The following TCF12 variants were observed in gnomAD, a reference collection of about 807,000 sequenced individuals.
The protein encoded by TCF12 is DNA-binding protein HTF4.
TCF12 carries 45 observed loss-of-function variants against 86.0 expected under a neutral mutation model. The observed-to-expected ratio is 0.52, with a 90% CI of 0.41 to 0.67. The LOEUF is 0.67. Ranked by LOEUF, TCF12 falls within the 30% of genes least tolerant of loss-of-function variation. The pLI is 0.00. For synonymous variants in TCF12, 330 were observed against 299.6 expected (o/e 1.10, Z -1.05); for missense variants, 881 against 859.9 (o/e 1.02, Z -0.31).
rs761671125 is a variant in TCF12 at position 57,282,605 on chromosome 15, A to G, written c.*11+7A>G. On this transcript the variant is annotated splice_region_variant and intron_variant, in intron 20 of 20. Transcript: ENST00000333725. ...ATATGTAAACATCAGCCAGGTAAGTACGGGTTTGAAAAGAAACAGCAAGGA... is the reference window on the plus strand; with the variant it reads ...ATATGTAAACATCAGCCAGGTAAGTGCGGGTTTGAAAAGAAACAGCAAGGA... 1.2e-6 allele frequency: 2 copies of G among 1,604,324 alleles called. No homozygotes were observed. Among genetic ancestry groups the G allele is most frequent in the South Asian group, 2.3e-5 (2 of 88,592 alleles).
chr15:57,158,187 T>TTTG (rs746135439), intron 5 of TCF12, among the ~76,000 whole-genome samples: 9 of 148,718 alleles, frequency 6.1e-5, no homozygotes, highest in Non-Finnish European at 1.5e-5. Flanking sequence ...GAAAGTCGTT[T>TTTG]CTTTTTTTTT....
At chr15:57,013,064 A>G (rs1322099440) in intron 3 of TCF12, among the ~76,000 whole-genome samples, 1 of 151,972 alleles carries the variant, frequency 6.6e-6, no homozygotes, top group Non-Finnish European at 1.5e-5. Flanking sequence ...GTGAAACTGT[A>G]TGATAGTATG....
chr15:57,257,489 A>G (rs767282162), intron 16 of TCF12, among the ~76,000 whole-genome samples: 21 of 151,942 alleles, frequency 1.4e-4, no homozygotes, highest in Non-Finnish European at 2.5e-4. Context: ...AAGAACCTGT[A>G]TCTACAAAAA....
At chr15:56,974,464 A>G (rs1453235360) in intron 3 of TCF12, among the ~76,000 whole-genome samples, 3 of 152,116 alleles carry the variant, frequency 2.0e-5, no homozygotes, top group South Asian at 4.1e-4. Flanking sequence ...TGTCAAAATA[A>G]AATTTTAAAA....
chr15:57,113,201 A>G (rs1228468560), intron 5 of TCF12, among the ~76,000 whole-genome samples: 1 of 152,234 alleles, frequency 6.6e-6, no homozygotes, highest in South Asian at 2.1e-4. Flanking sequence ...ATTCACTTTC[A>G]CAAGTTTTTG....
chr15:57,115,514 A>T (rs1391820984), intron 5 of TCF12, among the ~76,000 whole-genome samples: 1 of 152,208 alleles, frequency 6.6e-6, no homozygotes, highest in Non-Finnish European at 1.5e-5. Flanking sequence ...GATGTGAATT[A>T]TATTGGAAGA....
chr15:57,109,078 C>G (rs2050319971), intron 5 of TCF12, among the ~76,000 whole-genome samples: 1 of 152,126 alleles, frequency 6.6e-6, no homozygotes, highest in South Asian at 2.1e-4. Flanking sequence ...CCACCTCTTG[C>G]TTAAAAAGAG....
Position 56,926,690 on chromosome 15 carries a change from ATAT to A in TCF12, c.148+5599_148+5601del, listed in dbSNP as rs550423176. On this transcript the variant is annotated intron_variant, in intron 3 of 20. Transcript: ENST00000333725. ...AATTCCTGGGGGAGCTCATATTTACATATTATTATCTGGAGCTGGACTACAGGT... is the reference window on the plus strand; with the variant it reads ...AATTCCTGGGGGAGCTCATATTTACATATTATCTGGAGCTGGACTACAGGT... Among the ~76,000 whole-genome samples, 476 of 152,346 alleles carry A rather than the reference ATAT, an allele frequency of 3.1e-3. 1 individual carries two copies. The highest frequency in any genetic ancestry group is 5.0e-3 in the Non-Finnish European group (341 of 68,032).
At chr15:57,252,166 A>G in intron 14 of TCF12, 1 of 375,926 alleles carries the variant, frequency 2.7e-6, no homozygotes, top group Non-Finnish European at 4.7e-6. Flanking sequence ...CTAACAAAAC[A>G]TTTTAAATTG....
intron 5 of TCF12, among the ~76,000 whole-genome samples, chr15:57,162,756 G>T (rs2054588370): frequency 6.6e-6 from 1 of 151,910 alleles, no homozygotes; most frequent in Non-Finnish European, 1.5e-5. Context: ...AATTAAGATT[G>T]TATTTAAAAG....
At chr15:56,934,382 G>A (rs1353453988) in intron 3 of TCF12, among the ~76,000 whole-genome samples, 4 of 152,198 alleles carry the variant, frequency 2.6e-5, no homozygotes, top group Non-Finnish European at 4.4e-5. Flanking sequence ...ACTCCTGAGT[G>A]AGGAGGAGAC....
chr15:56,975,766 A>G (rs1248375201), intron 3 of TCF12, among the ~76,000 whole-genome samples: 2 of 152,070 alleles, frequency 1.3e-5, no homozygotes, highest in African/African-American at 4.8e-5. Context: ...TTTAAAAGTC[A>G]AATTTTCTTT....
chr15:57,264,134 T>G (rs1403629913), intron 18 of TCF12, among the ~76,000 whole-genome samples: 2 of 148,942 alleles, frequency 1.3e-5, no homozygotes, highest in Non-Finnish European at 3.0e-5. Context: ...AATAATAGCT[T>G]AAAACACAAA....
intron 7 of TCF12, among the ~76,000 whole-genome samples, chr15:57,195,830 CCTCT>C (rs1368704900): frequency 6.6e-6 from 1 of 152,088 alleles, no homozygotes; most frequent in Admixed American, 6.5e-5. Flanking sequence ...TAGTGAAACA[CCTCT>C]CTACAAACGA....
At chr15:57,274,281 G>A in intron 19 of TCF12, among the ~76,000 whole-genome samples, 1 of 152,140 alleles carries the variant, frequency 6.6e-6, no homozygotes, top group East Asian at 1.9e-4. Flanking sequence ...TAGAGAACTT[G>A]AACAAACTTT....
intron 4 of TCF12, among the ~76,000 whole-genome samples, chr15:57,076,342 GTAAATGA>G (rs1279606729): frequency 6.6e-6 from 1 of 152,060 alleles, no homozygotes; most frequent in African/African-American, 2.4e-5. Context: ...ATAGGTTGTA[GTAAATGA>G]TAAATCTTTA....
chr15:57,105,637 C>T (rs1347723677), intron 5 of TCF12, among the ~76,000 whole-genome samples: 6 of 152,166 alleles, frequency 3.9e-5, no homozygotes, highest in African/African-American at 1.4e-4. Context: ...GCCTCGAACT[C>T]CTGACCTCAA....
chr15:57,007,957 C>T (rs1438300631), intron 3 of TCF12, among the ~76,000 whole-genome samples: 1 of 143,966 alleles, frequency 6.9e-6, no homozygotes, highest in East Asian at 2.1e-4. Context: ...CTTTCTTTCT[C>T]TCTGTCTCTC....
At chr15:56,991,839 G>A (rs1044626171) in intron 3 of TCF12, among the ~76,000 whole-genome samples, 12 of 151,830 alleles carry the variant, frequency 7.9e-5, no homozygotes, top group African/African-American at 2.9e-4. Flanking sequence ...TTAATACATT[G>A]TACAAGGGTT....
Sources: allele counts gnomAD v4.1 joint callset (sites outside exome capture counted in the v4.1 genomes callset), GRCh38; gene constraint gnomAD v4.1.1; transcripts MANE v1.5; gene names NCBI Gene and HGNC (gene_info 2026-07-23, HGNC 2026-07-21).